The following PRKDC variants were observed in gnomAD, a reference collection of about 807,000 sequenced individuals.
The protein encoded by PRKDC is protein kinase, DNA-activated, catalytic subunit, also known as DNA-dependent protein kinase catalytic subunit.
Under a neutral mutation model 486.9 loss-of-function variants are expected in PRKDC, and 82 were observed. The ratio of observed to expected loss-of-function variants is 0.17; its 90% CI spans 0.14 to 0.20. The LOEUF is 0.20. Among genes scored for constraint, PRKDC ranks in the 10% least tolerant of loss-of-function variants. PRKDC has a pLI of 1.00. For missense variants in PRKDC, 4,504 were observed against 5,038.2 expected, an observed-to-expected ratio of 0.89 and a Z score of 3.21; for synonymous variants, 1,895 against 1,837.0, an observed-to-expected ratio of 1.03 and a Z score of -0.81.
chr8:47,871,982 T>A (rs187747277), intron 40 of PRKDC, among the ~76,000 whole-genome samples: 1 of 152,122 alleles, frequency 6.6e-6, no homozygotes. Flanking sequence ...AAGAAAACCA[T>A]AGAATATTGT....
intron 31 of PRKDC, 145 bp downstream of exon 31, chr8:47,892,994 C>G: frequency 1.1e-6 from 1 of 884,438 alleles, no homozygotes; most frequent in Non-Finnish European, 1.6e-6. Context: ...AGAATGGAAC[C>G]CTTGCAGAGA....
chr8:47,826,117 T>C (rs914255114), intron 63 of PRKDC, among the ~76,000 whole-genome samples: 10 of 152,208 alleles, frequency 6.6e-5, no homozygotes, highest in African/African-American at 2.4e-4. Context: ...TCAAGTTAAA[T>C]TTCAATCTTA....
At chr8:47,880,705 A>G (rs1482362874) in intron 38 of PRKDC, among the ~76,000 whole-genome samples, 1 of 152,230 alleles carries the variant, frequency 6.6e-6, no homozygotes, top group Non-Finnish European at 1.5e-5. Context: ...TTTAAATAAT[A>G]TGTATGCAAA....
At chr8:47,818,527 C>T (rs1589718013) in intron 67 of PRKDC, among the ~76,000 whole-genome samples, 1 of 142,866 alleles carries the variant, frequency 7.0e-6, no homozygotes, top group East Asian at 2.1e-4. Context: ...TGCAGTGAGC[C>T]GAGATCCCGC....
intron 30 of PRKDC, among the ~76,000 whole-genome samples, chr8:47,894,559 T>C (rs1303000459): frequency 3.3e-5 from 5 of 152,154 alleles, no homozygotes; most frequent in Non-Finnish European, 5.9e-5. Context: ...CCAGCCCTAC[T>C]TCTTCCTTGG....
intron 24 of PRKDC, among the ~76,000 whole-genome samples, chr8:47,913,600 C>A (rs532843929): frequency 6.6e-6 from 1 of 152,234 alleles, no homozygotes; most frequent in South Asian, 2.1e-4. Flanking sequence ...ACCATGTTGG[C>A]CAGGCTGGTC....
chr8:47,954,539 C>T (rs529398028), intron 4 of PRKDC, 93 bp from the exon 5 acceptor site: 32 of 453,000 alleles, frequency 7.1e-5, no homozygotes, highest in East Asian at 2.2e-4. Flanking sequence ...AGGGAAATAA[C>T]GGGATTCCTC....
At chr8:47,941,964 C>T (rs8178014) in intron 10 of PRKDC, among the ~76,000 whole-genome samples, 7 of 152,216 alleles carry the variant, frequency 4.6e-5, no homozygotes, top group African/African-American at 9.6e-5. Flanking sequence ...AGACAACCAG[C>T]GCAGTGGAGG....
chr8:47,916,540 T>C (rs1361773385), intron 22 of PRKDC, among the ~76,000 whole-genome samples: 1 of 152,222 alleles, frequency 6.6e-6, no homozygotes. Context: ...ATTTTATCAT[T>C]GGCAACAGAT....
At chr8:47,783,634 T>C in intron 78 of PRKDC, 108 bp downstream of exon 78, 2 of 1,048,382 alleles carry the variant, frequency 1.9e-6, no homozygotes, top group East Asian at 2.4e-5. Context: ...ACTTGATATA[T>C]CTGTGATCAA....
intron 69 of PRKDC, among the ~76,000 whole-genome samples, chr8:47,803,933 CA>C (rs58802347): frequency 8.5e-5 from 12 of 141,482 alleles, no homozygotes; most frequent in South Asian, 2.3e-4. Context: ...AGCAAGTCTC[CA>C]AAAAAAAAAA....
intron 66 of PRKDC, 79 bp downstream of exon 66, chr8:47,820,640 A>G (rs190585295): frequency 7.1e-6 from 6 of 850,264 alleles, no homozygotes; most frequent in Admixed American, 8.6e-5. Context: ...TAAAAATAGT[A>G]TATTTCAGAT....
Position 47,791,346 on chromosome 8 carries a change from C to T in PRKDC, c.10671-2108G>A, listed in dbSNP as rs191257482. ...AAAAATTAGCGGGGCATGGTGGCGC[C>T]TGCCTGTAATCCCAGCTACTCAGGA... is the stretch of plus-strand genomic sequence containing the variant. On this transcript the variant is annotated intron_variant, in intron 74 of 85. Transcript: ENST00000314191. Among the ~76,000 whole-genome samples, 873 of 152,084 alleles carry T rather than the reference C, an allele frequency of 5.7e-3. 6 individuals are homozygous for T. The highest frequency in any genetic ancestry group is 0.025 in the South Asian group (118 of 4,812).
At chr8:47,910,017 C>A (rs1314380841) in intron 25 of PRKDC, among the ~76,000 whole-genome samples, 1 of 152,156 alleles carries the variant, frequency 6.6e-6, no homozygotes, top group African/African-American at 2.4e-5. Context: ...AGTTCATATA[C>A]CCGCTCCTCT....
At chr8:47,844,177 G>A (rs2154500014) in intron 54 of PRKDC, among the ~76,000 whole-genome samples, 1 of 152,312 alleles carries the variant, frequency 6.6e-6, no homozygotes, top group South Asian at 2.1e-4. Context: ...AACACCCACA[G>A]GCTCAAAGTA....
At chr8:47,809,131 A>C (rs2087275521) in intron 68 of PRKDC, among the ~76,000 whole-genome samples, 1 of 82,662 alleles carries the variant, frequency 1.2e-5, no homozygotes, top group Non-Finnish European at 2.3e-5. Context: ...AAGGGAGGGT[A>C]TGGGAGGGAG....
chr8:47,784,098 A>C, intron 77 of PRKDC: 2 of 279,360 alleles, frequency 7.2e-6, no homozygotes, highest in East Asian at 8.0e-5. Context: ...CTCTACTAAA[A>C]ATACAAAAAA....
At chr8:47,881,156 G>A (rs2089207478) in intron 38 of PRKDC, among the ~76,000 whole-genome samples, 1 of 152,044 alleles carries the variant, frequency 6.6e-6, no homozygotes, top group Non-Finnish European at 1.5e-5. Context: ...AACTGAAGCA[G>A]ATACAGGTCA....
intron 3 of PRKDC, 103 bp from the exon 4 acceptor site, chr8:47,956,051 C>A: frequency 1.2e-6 from 1 of 831,396 alleles, no homozygotes; most frequent in South Asian, 1.7e-5. Context: ...TACCAAAATT[C>A]AGTATTTAGC....
Sources: allele counts gnomAD v4.1 joint callset (sites outside exome capture counted in the v4.1 genomes callset), GRCh38; gene constraint gnomAD v4.1.1; transcripts MANE v1.5; gene names NCBI Gene and HGNC (gene_info 2026-07-23, HGNC 2026-07-21).